CERS4: variants seen among roughly 807,000 people sequenced by gnomAD.
CERS4 encodes the protein LAG1 homolog, ceramide synthase 4.
A neutral mutation model predicts 51.8 loss-of-function variants in CERS4; 65 were observed. The observed-to-expected ratio is 1.26, with a 90% CI of 1.03 to 1.54. The LOEUF (loss-of-function observed/expected upper bound fraction) is 1.54. Among genes scored for constraint, CERS4 ranks in the 40% most tolerant of loss-of-function variants. The probability of loss-of-function intolerance (pLI) is 0.00; values close to 1 mark genes in which losing one functional copy is unlikely to be tolerated. For missense variants in CERS4, 563 were observed against 500.4 expected (o/e 1.13, Z -1.19); for synonymous variants, 228 against 208.4 (o/e 1.09, Z -0.81).
intron 2 of CERS4, among the ~76,000 whole-genome samples, chr19:8,232,122 A>T (rs1555774479): frequency 2.0e-5 from 3 of 150,020 alleles, no homozygotes; most frequent in Non-Finnish European, 3.0e-5. Flanking sequence ...GAGTTACGAC[A>T]CCCGGCCCTA....
chr19:8,231,860 T>TTTC (rs1968023637), intron 2 of CERS4, among the ~76,000 whole-genome samples: 1 of 147,966 alleles, frequency 6.8e-6, no homozygotes, highest in East Asian at 1.9e-4. Context: ...CATTTTTTTT[T>TTTC]TTTTTTTTTT....
At chr19:8,253,448 CCT>C (rs1491401097) in intron 3 of CERS4, among the ~76,000 whole-genome samples, 24 of 134,200 alleles carry the variant, frequency 1.8e-4, no homozygotes, top group Admixed American at 6.0e-4. Flanking sequence ...GGTCCAGCTG[CCT>C]TTTTTTTTTT....
chr19:8,250,925 G>A, intron 2 of CERS4, 151 bp from the exon 3 acceptor site: 2 of 1,459,414 alleles, frequency 1.4e-6, no homozygotes, highest in Non-Finnish European at 1.8e-6. Flanking sequence ...TCCCAGGCAA[G>A]GGGAGTTCCA....
intron 11 of CERS4, 37 bp from the exon 12 acceptor site, chr19:8,261,893 C>T: frequency 1.2e-6 from 2 of 1,612,690 alleles, no homozygotes; most frequent in Non-Finnish European, 8.5e-7. Context: ...CCTCCTTCCT[C>T]CCTGCTCTGA....
intron 3 of CERS4, among the ~76,000 whole-genome samples, chr19:8,253,387 G>A (rs900154769): frequency 1.3e-5 from 2 of 151,720 alleles, no homozygotes; most frequent in African/African-American, 4.8e-5. Flanking sequence ...TTGGGCAAAG[G>A]TACCTGGGTA....
At chr19:8,238,990 G>A (rs1310735741) in intron 2 of CERS4, among the ~76,000 whole-genome samples, 4 of 151,990 alleles carry the variant, frequency 2.6e-5, no homozygotes, top group Non-Finnish European at 4.4e-5. Flanking sequence ...AGTCCCAGCT[G>A]CTTGGAAGGC....
chr19:8,221,931 G>C (rs1399259311), intron 2 of CERS4, among the ~76,000 whole-genome samples: 9 of 124,302 alleles, frequency 7.2e-5, no homozygotes, highest in African/African-American at 2.4e-4. Flanking sequence ...GCCCAGGCTG[G>C]AGTGCAGTGG....
intron 10 of CERS4, among the ~76,000 whole-genome samples, chr19:8,260,318 C>CTGAGT (rs1969613222): frequency 6.6e-6 from 1 of 151,838 alleles, no homozygotes; most frequent in Admixed American, 6.6e-5. Flanking sequence ...CCTCAGCCTC[C>CTGAGT]TGAGTAGCTG....
intron 2 of CERS4, among the ~76,000 whole-genome samples, chr19:8,221,872 GTTTTTT>G (rs71165297): frequency 9.1e-4 from 36 of 39,486 alleles, no homozygotes; most frequent in Non-Finnish European, 1.2e-3. Context: ...ATTTTTTTAT[GTTTTTT>G]TTTTTTTTTT....
chr19:8,219,193 C>A (rs527723292), intron 2 of CERS4, among the ~76,000 whole-genome samples: 11 of 151,972 alleles, frequency 7.2e-5, no homozygotes, highest in Non-Finnish European at 1.3e-4. Flanking sequence ...GGTGACAGAG[C>A]GAGACTTCAT....
rs146762664 is a variant in CERS4, at chr19:8,254,535, G to T, written c.210G>T (p.Val70=). ...IGLPLSRWLG[V]RDQTRRQVKP... ...TGCCCCTGAGCCGGTGGCTGGGTGT[G>T]AGGGATCAGACCAGGAGGCAAGTGA... Residue 70 remains valine, a synonymous_variant, in exon 4 of 12, where the codon GTG becomes GTT. Transcript: ENST00000251363. 6.2e-6 allele frequency: 10 copies of T among 1,613,764 alleles called. 1 individual carries two copies. In the African/African-American group the frequency reaches 8.0e-5, roughly 13 times the overall value.
intron 10 of CERS4, among the ~76,000 whole-genome samples, 173 bp downstream of exon 10, chr19:8,258,158 A>G (rs1177712553): frequency 2.0e-5 from 3 of 152,148 alleles, no homozygotes; most frequent in Admixed American, 2.0e-4. Flanking sequence ...GCAAAGGCGC[A>G]GAGGTGAGAC....
At chr19:8,254,893 T>G (rs1969297416) in intron 4 of CERS4, among the ~76,000 whole-genome samples, 1 of 147,920 alleles carries the variant, frequency 6.8e-6, no homozygotes, top group South Asian at 2.1e-4. Context: ...CTTCCCAGCC[T>G]CCTTGGGAGA....
intron 6 of CERS4, 48 bp downstream of exon 6, chr19:8,255,927 G>A (rs1969355941): frequency 3.8e-6 from 6 of 1,595,200 alleles, no homozygotes; most frequent in Non-Finnish European, 5.2e-6. Flanking sequence ...CCATCCACCT[G>A]GCCTAGATCT....
At chr19:8,223,416 A>G (rs971532551) in intron 2 of CERS4, among the ~76,000 whole-genome samples, 4 of 150,808 alleles carry the variant, frequency 2.7e-5, no homozygotes, top group African/African-American at 9.7e-5. Context: ...TCAGGAGTCC[A>G]AGACCAGCCT....
intron 2 of CERS4, among the ~76,000 whole-genome samples, chr19:8,246,995 A>G (rs1968815554): frequency 6.6e-6 from 1 of 152,024 alleles, no homozygotes; most frequent in Non-Finnish European, 1.5e-5. Context: ...ACAAAACCCC[A>G]TCTCTACTAA....
chr19:8,213,084 G>GGCTGGGGT (rs2145152852), intron 2 of CERS4, among the ~76,000 whole-genome samples: 1 of 152,004 alleles, frequency 6.6e-6, no homozygotes, highest in South Asian at 2.1e-4. Context: ...CTGTTGCCCA[G>GGCTGGGGT]GCTGGGGTGC....
At chr19:8,221,053 C>G (rs1468970145) in intron 2 of CERS4, among the ~76,000 whole-genome samples, 4 of 151,426 alleles carry the variant, frequency 2.6e-5, no homozygotes, top group African/African-American at 9.7e-5. Flanking sequence ...TCTCGATCTC[C>G]TGACCTTGTG....
chr19:8,245,126 A>ACAAAAAAAC (rs1555777241), intron 2 of CERS4, among the ~76,000 whole-genome samples: 28 of 148,228 alleles, frequency 1.9e-4, no homozygotes, highest in African/African-American at 6.8e-4. Flanking sequence ...AAAAAAAAAA[A>ACAAAAAAAC]AAAAAAAAAC....
Sources: allele counts gnomAD v4.1 joint callset (sites outside exome capture counted in the v4.1 genomes callset), GRCh38; gene constraint gnomAD v4.1.1; transcripts MANE v1.5; gene names NCBI Gene and HGNC (gene_info 2026-07-23, HGNC 2026-07-21).